The following ACSL5 variants were observed in gnomAD, a reference collection of about 807,000 sequenced individuals.
ACSL5 encodes acyl-CoA synthetase long chain family member 5, also known as long-chain-fatty-acid--CoA ligase 5.
In ACSL5, 50 loss-of-function variants were observed where a neutral mutation model predicts 84.9. That is an observed-to-expected ratio of 0.59 (90% CI 0.47 to 0.75). ACSL5 has a LOEUF of 0.75. Among genes scored for constraint, ACSL5 ranks in the 30% least tolerant of loss-of-function variants. The pLI is 0.00. For synonymous variants in ACSL5, 280 were observed against 300.7 expected, an observed-to-expected ratio of 0.93 and a Z score of 0.71; for missense variants, 775 against 830.4, an observed-to-expected ratio of 0.93 and a Z score of 0.82.
chr10:112,413,373 A>T (rs1844231567), intron 12 of ACSL5, 66 bp downstream of exon 12: 1 of 1,573,356 alleles, frequency 6.4e-7, no homozygotes, highest in East Asian at 2.2e-5. Context: ...CTGTACTACT[A>T]TGAGATTTAC....
Position 112,418,475 on chromosome 10 carries a change from G to A in ACSL5, c.1314+534G>A, listed in dbSNP as rs182201337. ...TGGGCGCCTGTAGTCCCAGCTACTC[G>A]GGAGGCTGAGGCGGGAGAATGGCGT... is the stretch of plus-strand genomic sequence containing the variant. On this transcript the variant is annotated intron_variant, in intron 14 of 20. Transcript: ENST00000354655. Among the ~76,000 whole-genome samples the A allele has an allele frequency of 4.2e-3, 640 of 152,166 alleles. 5 individuals are homozygous for A. Among genetic ancestry groups the A allele is most frequent in the African/African-American group, 0.012 (513 of 41,520 alleles).
rs758589262 is a variant in ACSL5 at position 112,417,907 on chromosome 10, T to C, written c.1280T>C (p.Val427Ala). ...VTGAAPMSTS[V>A]MTFFRAAMGC... ...GGAGCTGCCCCCATGTCCACTTCAGTCATGACATTCTTCCGGGCAGCAATG... is the reference window on the plus strand; with the variant it reads ...GGAGCTGCCCCCATGTCCACTTCAGCCATGACATTCTTCCGGGCAGCAATG... The change falls in exon 14 of 21, where the codon GTC becomes GCC. Residue 427 changes from valine to alanine, a missense_variant. By Grantham distance (64) the Val-to-Ala change is moderately conservative (BLOSUM62 0). Coordinates refer to ENST00000354655, the MANE Select transcript of ACSL5 (RefSeq NM_203379.2). 2.5e-6 allele frequency: 4 copies of C among 1,613,122 alleles called. No homozygotes were observed. The highest frequency in any genetic ancestry group is 3.4e-6 in the Non-Finnish European group (4 of 1,179,556).
intron 1 of ACSL5, among the ~76,000 whole-genome samples, chr10:112,392,845 G>A (rs1843673291): frequency 6.6e-6 from 1 of 152,090 alleles, no homozygotes; most frequent in Non-Finnish European, 1.5e-5. Flanking sequence ...AGCCCACGAG[G>A]TTGAGGCTGC....
chr10:112,400,938 A>T (rs966750687), intron 3 of ACSL5, among the ~76,000 whole-genome samples: 3 of 152,202 alleles, frequency 2.0e-5, no homozygotes, highest in Admixed American at 2.0e-4. Context: ...TTAGCAAGTG[A>T]TATGTGGCAC....
chr10:112,375,158 G>T (rs946157236), intron 1 of ACSL5: 1 of 152,114 alleles, frequency 6.6e-6, no homozygotes, highest in African/African-American at 2.4e-5. Context: ...GCTGAGATTC[G>T]ACACCCACTC....
intron 1 of ACSL5, among the ~76,000 whole-genome samples, chr10:112,383,670 C>T (rs547827380): frequency 3.9e-5 from 6 of 152,288 alleles, no homozygotes; most frequent in East Asian, 3.9e-4. Flanking sequence ...GTTTTGGTAG[C>T]GGGAGAGCCA....
chr10:112,390,906 C>T (rs889761820), intron 1 of ACSL5, among the ~76,000 whole-genome samples: 23 of 152,062 alleles, frequency 1.5e-4, no homozygotes, highest in African/African-American at 5.3e-4. Flanking sequence ...TCTCTAGAGG[C>T]TGGGCATTGA....
chr10:112,417,819 A>G lies in ACSL5; in HGVS notation c.1219-27A>G, dbSNP rs1281276675. 4 of 1,594,896 alleles carry G rather than the reference A, an allele frequency of 2.5e-6. No homozygotes were observed. In the African/African-American group the frequency reaches 4.0e-5, roughly 16 times the overall value. ...AATTGAAGCCAAGAGAATAGGTTTT[A>G]GTATGTCTTTTGTTTCCACTGAACA... On this transcript the variant is annotated intron_variant, in intron 13 of 20. Coordinates refer to ENST00000354655, the MANE Select transcript of ACSL5 (RefSeq NM_203379.2).
chr10:112,393,921 A>C (rs1297030430), intron 1 of ACSL5, among the ~76,000 whole-genome samples: 4 of 152,166 alleles, frequency 2.6e-5, no homozygotes, highest in Non-Finnish European at 5.9e-5. Flanking sequence ...GCCTAAATTA[A>C]ACAAACCATG....
chr10:112,417,122 C>T, intron 13 of ACSL5, 100 bp downstream of exon 13: 1 of 1,349,332 alleles, frequency 7.4e-7, no homozygotes, highest in Non-Finnish European at 1.0e-6. Context: ...GTCACTTTAA[C>T]TAGAGATCCT....
At chr10:112,407,602 C>T (rs1430704792) in intron 5 of ACSL5, among the ~76,000 whole-genome samples, 1 of 152,178 alleles carries the variant, frequency 6.6e-6, no homozygotes, top group African/African-American at 2.4e-5. Flanking sequence ...TCAATTACCT[C>T]CCACTGGGTT....
chr10:112,385,373 C>T (rs574832292), intron 1 of ACSL5, among the ~76,000 whole-genome samples: 6 of 152,250 alleles, frequency 3.9e-5, no homozygotes, highest in African/African-American at 1.2e-4. Flanking sequence ...GATCTGATGT[C>T]TTTCTATGAG....
At chr10:112,421,554 A>C in intron 14 of ACSL5, 39 bp from the exon 15 acceptor site, 1 of 1,594,844 alleles carries the variant, frequency 6.3e-7, no homozygotes, top group Non-Finnish European at 8.6e-7. Flanking sequence ...CTCACACTTT[A>C]TCTTGAGTAA....
chr10:112,411,286 G>C (rs1844169920), intron 9 of ACSL5, 170 bp from the exon 10 acceptor site: 1 of 604,738 alleles, frequency 1.7e-6, no homozygotes, highest in African/African-American at 1.9e-5. Context: ...AATCTCCGGG[G>C]GCATTAATTA....
chr10:112,404,285 C>A (rs765097589), intron 3 of ACSL5, among the ~76,000 whole-genome samples: 2 of 152,174 alleles, frequency 1.3e-5, no homozygotes, highest in Admixed American at 6.5e-5. Flanking sequence ...CTGAACCACT[C>A]CTGTTTTGTG....
intron 1 of ACSL5, among the ~76,000 whole-genome samples, chr10:112,383,437 CCAT>C (rs775842947): frequency 2.6e-5 from 4 of 152,244 alleles, no homozygotes; most frequent in Non-Finnish European, 4.4e-5. Context: ...GGATCTCAGG[CCAT>C]CCTTCCTTCT....
Position 112,428,219 on chromosome 10 carries a change from G to T in ACSL5, c.*861G>T. On this transcript the variant is annotated 3_prime_UTR_variant, in exon 21 of 21. Transcript: ENST00000354655. ...CCTGAACTGGGAACAAAGATCTACA[G>T]GCAAGCAAGATGCCCACACAACAGG... The T allele has an allele frequency of 2.7e-6, 1 of 375,886 alleles. No individual in the cohort carries two copies. 23.3% of individuals were successfully genotyped at this position (375,886 alleles called of 1,614,324 possible).
chr10:112,410,654 G>A lies in ACSL5; in HGVS notation c.796+19G>A, dbSNP rs1202842778. ...ACCACAGGTCTGTGCCCATGAAACT[G>A]AACCTTAGACCCCTGGTCAGCCAAG... On this transcript the variant is annotated intron_variant, in intron 9 of 20. Coordinates refer to ENST00000354655, the MANE Select transcript of ACSL5 (RefSeq NM_203379.2). The A allele has an allele frequency of 9.3e-6, 15 of 1,610,096 alleles. No individual in the cohort carries two copies. In the Middle Eastern group the frequency reaches 9.3e-4, roughly 100 times the overall value.
chr10:112,394,994 G>A lies in ACSL5; in HGVS notation c.48G>A (p.Ala16=), dbSNP rs146605626. 0.022 allele frequency: 35,212 copies of A among 1,613,724 alleles called. 468 individuals are homozygous for A. The highest frequency in any genetic ancestry group is 0.026 in the Non-Finnish European group (30,443 of 1,179,998). The change falls in exon 2 of 21, where the codon GCG becomes GCA. Residue 16 remains alanine, a synonymous_variant. Coordinates refer to ENST00000354655, the MANE Select transcript of ACSL5 (RefSeq NM_203379.2). ...NFLFSPLPTP[A]LICILTFGAA... Reference sequence around the variant, plus strand: ...TGTTTTCCCCACTTCCGACCCCGGCGTTGATCTGCATCCTGACATTTGGAG... The same window carrying A: ...TGTTTTCCCCACTTCCGACCCCGGCATTGATCTGCATCCTGACATTTGGAG...
Sources: allele counts gnomAD v4.1 joint callset (sites outside exome capture counted in the v4.1 genomes callset), GRCh38; gene constraint gnomAD v4.1.1; transcripts MANE v1.5; gene names NCBI Gene and HGNC (gene_info 2026-07-23, HGNC 2026-07-21).